Variants in SEM1 observed in about 807,000 individuals in gnomAD.
SEM1 encodes the protein 26S proteasome complex subunit SEM1.
Under a neutral mutation model 12.7 loss-of-function variants are expected in SEM1, and 3 were observed. The observed-to-expected ratio is 0.24, with a 90% CI of 0.11 to 0.61. SEM1 has a LOEUF of 0.61. SEM1 is among the 20% of genes least tolerant of loss of function. The probability of loss-of-function intolerance (pLI) is 0.88; values close to 1 mark genes in which losing one functional copy is unlikely to be tolerated. For synonymous variants in SEM1, 30 were observed against 27.8 expected, an observed-to-expected ratio of 1.08 and a Z score of -0.25; for missense variants, 59 against 81.3, an observed-to-expected ratio of 0.73 and a Z score of 1.06.
chr7:96,667,545 G>A (rs757323162), intron 2 of SEM1, among the ~76,000 whole-genome samples: 1 of 152,114 alleles, frequency 6.6e-6, no homozygotes, highest in Non-Finnish European at 1.5e-5. Flanking sequence ...CATAATCCCC[G>A]AATCTTGGGA....
At chr7:96,654,176 T>G (rs971324905) in intron 2 of SEM1, among the ~76,000 whole-genome samples, 1 of 152,224 alleles carries the variant, frequency 6.6e-6, no homozygotes, top group African/African-American at 2.4e-5. Context: ...GTACTCATAC[T>G]AGAGTTCACT....
In SEM1 at chr7:96,492,585, A is replaced by ATTTTT. The variant is rs59252542; in HGVS notation, c.12+3694_12+3698dup. On this transcript the variant is annotated intron_variant, in intron 1 of 3. Transcript: ENST00000356686. ...CCACCATGCCCGACTAATTTTTTGT[A>ATTTTT]TTTTTTTTTTTTTTTTTTTTTTTTT... Among the ~76,000 whole-genome samples the ATTTTT allele has an allele frequency of 3.8e-5, 3 of 79,676 alleles. 1 individual carries two copies. Among genetic ancestry groups the ATTTTT allele is most frequent in the African/African-American group, 5.3e-5 (1 of 19,044 alleles). The allele number at this position is 79,676 out of a possible 152,430, so 52.3% of individuals were successfully genotyped here.
intron 2 of SEM1, among the ~76,000 whole-genome samples, chr7:96,646,352 T>A (rs1244363337): frequency 6.6e-6 from 1 of 152,212 alleles, no homozygotes; most frequent in African/African-American, 2.4e-5. Context: ...CTTAACTACT[T>A]AGTTTATCCA....
At chr7:96,686,214 AT>A (rs1313009222), downstream of SEM1, among the ~76,000 whole-genome samples, 6 of 151,954 alleles carry the variant, frequency 3.9e-5, no homozygotes, top group East Asian at 1.9e-4. Flanking sequence ...TCAAATAATA[AT>A]TTTTTTCATC....
intron 1 of SEM1, among the ~76,000 whole-genome samples, chr7:96,699,863 T>C (rs1790216170): frequency 6.6e-6 from 1 of 152,294 alleles, no homozygotes; most frequent in Non-Finnish European, 1.5e-5. Context: ...CACCCCAGGA[T>C]AAACACTTCC....
At chr7:96,531,008 T>C (rs1311021479) in intron 2 of SEM1, among the ~76,000 whole-genome samples, 1 of 151,998 alleles carries the variant, frequency 6.6e-6, no homozygotes. Context: ...ACTGTTGCAA[T>C]AATCTGGGTC....
chr7:96,507,506 G>GA (rs1803792322), intron 2 of SEM1, among the ~76,000 whole-genome samples: 1 of 151,974 alleles, frequency 6.6e-6, no homozygotes, highest in Admixed American at 6.6e-5. Flanking sequence ...CATGACCTAG[G>GA]AAAAAATTAA....
At chr7:96,672,376 G>A (rs755095458), downstream of SEM1, among the ~76,000 whole-genome samples, 1 of 152,148 alleles carries the variant, frequency 6.6e-6, no homozygotes, top group Non-Finnish European at 1.5e-5. Flanking sequence ...AGCTTTGAGG[G>A]AAGACATCGT....
chr7:96,565,908 T>C (rs1034819821), intron 2 of SEM1, among the ~76,000 whole-genome samples: 1 of 151,814 alleles, frequency 6.6e-6, no homozygotes, highest in Non-Finnish European at 1.5e-5. Flanking sequence ...CCTTGTCATG[T>C]TGGATTCTCT....
chr7:96,535,017 A>T lies in SEM1; in HGVS notation c.171-28319T>A, dbSNP rs187636513. Among the ~76,000 whole-genome samples, 528 of 151,974 alleles carry T rather than the reference A, an allele frequency of 3.5e-3. 1 individual carries two copies. Among genetic ancestry groups the T allele is most frequent in the African/African-American group, 0.012 (501 of 41,504 alleles). On this transcript the variant is annotated intron_variant and NMD_transcript_variant, in intron 2 of 3. Coordinates refer to the SEM1 transcript ENST00000466986. The stretch of plus-strand genomic sequence containing the variant: ...GAGCAAAGGAGTCCTAAGACCAAAA[A>T]CTTGAGGCCTTCTGTTCTATTTCAT...
chr7:96,495,343 C>T (rs146098983), intron 1 of SEM1, among the ~76,000 whole-genome samples: 1 of 152,260 alleles, frequency 6.6e-6, no homozygotes, highest in African/African-American at 2.4e-5. Context: ...TTCTCTTTCA[C>T]TGCTCTTAGG....
intron 2 of SEM1, among the ~76,000 whole-genome samples, chr7:96,571,778 G>C (rs1806038256): frequency 6.6e-6 from 1 of 152,032 alleles, no homozygotes; most frequent in African/African-American, 2.4e-5. Flanking sequence ...GTCTGTGCCA[G>C]GTTTTGGTAT....
At chr7:96,649,584 A>G (rs915076060) in intron 2 of SEM1, 3 of 152,244 alleles carry the variant, frequency 2.0e-5, no homozygotes, top group African/African-American at 7.2e-5. Context: ...CAAGCCATCA[A>G]TAAGCTGCTA....
rs1808782200 is a variant in SEM1 at position 96,646,028 on chromosome 7, A to G, written c.171-23385T>C. 3 of 396,364 alleles carry G rather than the reference A, an allele frequency of 7.6e-6. No individual in the cohort carries two copies. In the East Asian group the frequency reaches 1.1e-4, roughly 14 times the overall value. The allele number at this position is 396,364 out of a possible 1,614,324, so 24.6% of individuals were successfully genotyped here. Reference sequence around the variant, plus strand: ...TTCACTGATTCATCATGTCTTTCCCATTCTCCATTGTCCCAGATATATATC... The same window carrying G: ...TTCACTGATTCATCATGTCTTTCCCGTTCTCCATTGTCCCAGATATATATC... On this transcript the variant is annotated intron_variant, in intron 2 of 2. Transcript: ENST00000417009.
chr7:96,579,233 C>T (rs1806305017), intron 2 of SEM1, among the ~76,000 whole-genome samples: 3 of 152,172 alleles, frequency 2.0e-5, no homozygotes, highest in Non-Finnish European at 4.4e-5. Context: ...CCAGTCATTA[C>T]TACCATTTGA....
intron 2 of SEM1, among the ~76,000 whole-genome samples, chr7:96,572,914 T>C (rs575081139): frequency 2.6e-4 from 39 of 152,284 alleles, no homozygotes; most frequent in Non-Finnish European, 5.0e-4. Flanking sequence ...TTTGTGAGAG[T>C]CTAAGTCTCT....
chr7:96,517,204 C>A (rs1281909967), intron 2 of SEM1, among the ~76,000 whole-genome samples: 1 of 152,072 alleles, frequency 6.6e-6, no homozygotes, highest in Non-Finnish European at 1.5e-5. Flanking sequence ...CCAGAGTGAA[C>A]CTTAATGTAT....
At chr7:96,668,551 T>TA, downstream of SEM1, among the ~76,000 whole-genome samples, 1 of 152,180 alleles carries the variant, frequency 6.6e-6, no homozygotes, top group Non-Finnish European at 1.5e-5. Flanking sequence ...TGCATATACA[T>TA]TAGATATAAC....
intron 1 of SEM1, among the ~76,000 whole-genome samples, chr7:96,493,234 G>A (rs192460427): frequency 2.0e-5 from 3 of 152,274 alleles, no homozygotes; most frequent in South Asian, 2.1e-4. Flanking sequence ...GATTATAGGC[G>A]TGAGCCACCA....
Sources: allele counts gnomAD v4.1 joint callset (sites outside exome capture counted in the v4.1 genomes callset), GRCh38; gene constraint gnomAD v4.1.1; transcripts MANE v1.5; gene names NCBI Gene and HGNC (gene_info 2026-07-23, HGNC 2026-07-21).